OLFML2B: variants seen among roughly 807,000 people sequenced by gnomAD.
OLFML2B encodes olfactomedin like 2B.
OLFML2B carries 57 observed loss-of-function variants against 74.9 expected under a neutral mutation model. The ratio of observed to expected loss-of-function variants is 0.76; its 90% CI spans 0.61 to 0.95. OLFML2B has a LOEUF of 0.95. Ranked by LOEUF, OLFML2B falls within the 40% of genes least tolerant of loss-of-function variation. The pLI is 0.00. For missense variants in OLFML2B, 986 were observed against 970.6 expected, an observed-to-expected ratio of 1.02 and a Z score of -0.21; for synonymous variants, 388 against 405.8, an observed-to-expected ratio of 0.96 and a Z score of 0.53.
rs1458243653 is a variant in OLFML2B at position 162,019,954 on chromosome 1, G to T, written c.403C>A (p.Gln135Lys). Residue 135 changes from glutamine to lysine, a missense_variant, in exon 2 of 8, where the codon CAG becomes AAG. Coordinates refer to ENST00000294794, the MANE Select transcript of OLFML2B (RefSeq NM_015441.3). Reference sequence around the variant, plus strand: ...TGGCTGTCTGCCTCCCGCAGCTTCTGGAGCCTGAAGTCTCCCTCGCAGGGA... The same window carrying T: ...TGGCTGTCTGCCTCCCGCAGCTTCTTGAGCCTGAAGTCTCCCTCGCAGGGA... Reference protein sequence around the residue: ...LNPCEGDFRLQKLREADSQDL... With the variant: ...LNPCEGDFRLKKLREADSQDL... 1 of 1,614,068 alleles carries T rather than the reference G, an allele frequency of 6.2e-7. No homozygotes were observed. Among genetic ancestry groups the T allele is most frequent in the African/African-American group, 1.3e-5 (1 of 74,930 alleles).
At chr1:161,998,878 C>A (rs1233313973) in intron 5 of OLFML2B, among the ~76,000 whole-genome samples, 4 of 152,182 alleles carry the variant, frequency 2.6e-5, no homozygotes, top group African/African-American at 9.7e-5. Context: ...GAGGATGAGA[C>A]TCATTGAGCT....
chr1:162,005,576 G>C (rs942063961), intron 4 of OLFML2B, among the ~76,000 whole-genome samples: 1 of 152,188 alleles, frequency 6.6e-6, no homozygotes, highest in Admixed American at 6.5e-5. Flanking sequence ...GCATTTTTTA[G>C]AGTAAAAGAG....
chr1:161,993,393 G>A lies in OLFML2B; in HGVS notation c.1474+4432C>T, dbSNP rs896262676. Reference sequence around the variant, plus strand: ...TGCCCCCCAGTGCTCACCACCCTGCGTTGAAGTCATGTGTCTGTGTTGGTC... The same window carrying A: ...TGCCCCCCAGTGCTCACCACCCTGCATTGAAGTCATGTGTCTGTGTTGGTC... On this transcript the variant is annotated intron_variant, in intron 6 of 7. Transcript: ENST00000294794. 2.4e-4 allele frequency among the ~76,000 whole-genome samples: 37 copies of A among 152,186 alleles called. 1 individual carries two copies. Among genetic ancestry groups the A allele is most frequent in the South Asian group, 1.7e-3 (8 of 4,816 alleles).
intron 4 of OLFML2B, among the ~76,000 whole-genome samples, chr1:162,004,897 C>T (rs1690177809): frequency 6.6e-6 from 1 of 152,190 alleles, no homozygotes; most frequent in African/African-American, 2.4e-5. Context: ...CACCAGTGTG[C>T]CACAACTCTG....
intron 2 of OLFML2B, 22 bp from the exon 3 acceptor site, chr1:162,017,529 T>G: frequency 1.1e-4 from 177 of 1,580,458 alleles, no homozygotes; most frequent in Non-Finnish European, 1.4e-4. Context: ...GGCAAGGGGT[T>G]AGTCCAGGGC....
chr1:161,992,562 G>A (rs538182713), intron 6 of OLFML2B, among the ~76,000 whole-genome samples: 2 of 152,292 alleles, frequency 1.3e-5, no homozygotes, highest in South Asian at 2.1e-4. Context: ...TCCAGCTTTT[G>A]ATTTAAAGTG....
chr1:162,008,930 C>G (rs1211041467), intron 3 of OLFML2B, among the ~76,000 whole-genome samples: 1 of 152,206 alleles, frequency 6.6e-6, no homozygotes, highest in Non-Finnish European at 1.5e-5. Context: ...TGTAATCCAT[C>G]AGCACCTGCT....
chr1:161,992,237 T>C (rs755404364), intron 6 of OLFML2B, among the ~76,000 whole-genome samples: 3 of 152,260 alleles, frequency 2.0e-5, no homozygotes, highest in Non-Finnish European at 4.4e-5. Flanking sequence ...AGCTTCAGAC[T>C]TTTTTCTGCA....
rs1036800741 is a variant in OLFML2B at position 161,996,992 on chromosome 1, C to G, written c.1474+833G>C. 2.6e-5 allele frequency among the ~76,000 whole-genome samples: 4 copies of G among 152,224 alleles called. No individual in the cohort carries two copies. In the Middle Eastern group the frequency reaches 0.014, roughly 518 times the overall value. On this transcript the variant is annotated intron_variant, in intron 6 of 7. Coordinates refer to ENST00000294794, the MANE Select transcript of OLFML2B (RefSeq NM_015441.3). ...CTGACATGGTGAAAACCCGTCTCTA[C>G]TAAAAGTACAAAAAATTAGCTGGGC...
chr1:162,022,868 A>ATGGGATATGCCATCT (rs1267699738), intron 1 of OLFML2B, among the ~76,000 whole-genome samples: 44 of 152,264 alleles, frequency 2.9e-4, no homozygotes, highest in Middle Eastern at 3.4e-3. Context: ...GTATCTCCCG[A>ATGGGATATGCCATCT]TGGGATATGC....
intron 1 of OLFML2B, 88 bp from the exon 2 acceptor site, chr1:162,020,270 G>GTGGCAGCAATTT: frequency 6.8e-7 from 1 of 1,480,406 alleles, no homozygotes. Flanking sequence ...TTAGTCAAAT[G>GTGGCAGCAATTT]TCCTGCACTA....
At chr1:162,022,749 C>T (rs1295147009) in intron 1 of OLFML2B, among the ~76,000 whole-genome samples, 3 of 152,060 alleles carry the variant, frequency 2.0e-5, no homozygotes, top group African/African-American at 7.2e-5. Flanking sequence ...CAGTACACTC[C>T]GTCATGTTCT....
chr1:162,009,711 C>G (rs116727501), intron 3 of OLFML2B, among the ~76,000 whole-genome samples: 1,879 of 152,312 alleles, frequency 0.012, 27 homozygotes, highest in Middle Eastern at 0.054. Flanking sequence ...CTGCAGGGCT[C>G]AGCCAGCTGG....
chr1:161,987,586 C>A (rs1689625499), intron 6 of OLFML2B, among the ~76,000 whole-genome samples: 1 of 152,204 alleles, frequency 6.6e-6, no homozygotes, highest in Non-Finnish European at 1.5e-5. Context: ...CTGGAAAGAA[C>A]CAGCCCTTCT....
Position 161,984,104 on chromosome 1 carries a change from C to G in OLFML2B, c.1824G>C (p.Glu608Asp), listed in dbSNP as rs764390934. ...GGCCCTGCCATCGCCAGGGGGTGGC[C>G]TCCTCGTAGGCCACGTCATGCAGCA... ...WAMLHDVAYE[E>D]ATPWRWQGHS... Residue 608 changes from glutamate (E) to aspartate (D), a missense_variant, in exon 8 of 8, where the codon GAG becomes GAC. Physicochemically the swap from Glu to Asp is conservative, Grantham distance 45. Transcript: ENST00000294794. The G allele has an allele frequency of 3.1e-6, 5 of 1,611,364 alleles. No homozygotes were observed. Among genetic ancestry groups the G allele is most frequent in the Non-Finnish European group, 4.2e-6 (5 of 1,178,138 alleles).
At chr1:162,003,102 C>T (rs1461359583) in intron 4 of OLFML2B, among the ~76,000 whole-genome samples, 1 of 152,192 alleles carries the variant, frequency 6.6e-6, no homozygotes, top group Non-Finnish European at 1.5e-5. Flanking sequence ...TGCCTGCCCT[C>T]AGAGCCTGCC....
rs1423762293 is a variant in OLFML2B at position 162,023,789 on chromosome 1, C to A, written c.-359G>T. The stretch of plus-strand genomic sequence containing the variant: ...CGCCCGCGGTGCGCGCCGGGACGGG[C>A]GGCGGGGAGCCTCGGGACGCACGGG... On this transcript the variant is annotated 5_prime_UTR_variant, in exon 1 of 8. Coordinates refer to ENST00000294794, the MANE Select transcript of OLFML2B (RefSeq NM_015441.3). 2 of 166,098 alleles carry A rather than the reference C, an allele frequency of 1.2e-5. No homozygotes were observed. The highest frequency in any genetic ancestry group is 6.4e-5 in the Admixed American group (1 of 15,584). The allele number at this position is 166,098 out of a possible 1,614,324, so 10.3% of individuals were successfully genotyped here. A position where few individuals can be genotyped will look rare whatever the true frequency, so the allele number is the denominator to read the frequency against.
Position 161,983,535 on chromosome 1 carries a change from G to A in OLFML2B, c.*140C>T. ...CCATATAAAAAAATAGACCCAAATT[G>A]TCATTTTACATTTGCAATATTATAC... On this transcript the variant is annotated 3_prime_UTR_variant, in exon 8 of 8. Coordinates refer to ENST00000294794, the MANE Select transcript of OLFML2B (RefSeq NM_015441.3). The A allele has an allele frequency of 1.1e-6, 1 of 945,230 alleles. No individual in the cohort carries two copies. The highest frequency in any genetic ancestry group is 1.5e-6 in the Non-Finnish European group (1 of 648,944). 58.6% of individuals were successfully genotyped at this position (945,230 alleles called of 1,614,324 possible). A position where few individuals can be genotyped will look rare whatever the true frequency, so the allele number is the denominator to read the frequency against.
chr1:162,008,739 C>G (rs1346835466), intron 3 of OLFML2B, among the ~76,000 whole-genome samples: 1 of 152,160 alleles, frequency 6.6e-6, no homozygotes, highest in African/African-American at 2.4e-5. Flanking sequence ...TTAACAAGAT[C>G]CCCAGATACT....
Sources: allele counts gnomAD v4.1 joint callset (sites outside exome capture counted in the v4.1 genomes callset), GRCh38; gene constraint gnomAD v4.1.1; transcripts MANE v1.5; gene names NCBI Gene and HGNC (gene_info 2026-07-23, HGNC 2026-07-21).